EYA1: variants seen among roughly 807,000 people sequenced by gnomAD.
The protein encoded by EYA1 is protein phosphatase EYA1.
Under a neutral mutation model 82.0 loss-of-function variants are expected in EYA1, and 16 were observed. The ratio of observed to expected loss-of-function variants is 0.20; its 90% CI spans 0.13 to 0.30. The LOEUF (loss-of-function observed/expected upper bound fraction) is 0.30, where lower values mean the gene tolerates loss of function less well. Among genes scored for constraint, EYA1 ranks in the 10% least tolerant of loss-of-function variants. EYA1 has a pLI of 1.00. For missense variants in EYA1, 633 were observed against 730.7 expected, an observed-to-expected ratio of 0.87 and a Z score of 1.54; for synonymous variants, 261 against 264.4, an observed-to-expected ratio of 0.99 and a Z score of 0.12.
intron 9 of EYA1, among the ~76,000 whole-genome samples, chr8:71,272,267 T>C (rs1816637646): frequency 6.6e-6 from 1 of 152,074 alleles, no homozygotes; most frequent in Non-Finnish European, 1.5e-5. Context: ...CACATTTGCC[T>C]CAGCTGTGGC....
intron 2 of EYA1, among the ~76,000 whole-genome samples, chr8:71,462,655 C>A (rs1050492253): frequency 1.3e-5 from 2 of 152,204 alleles, no homozygotes; most frequent in African/African-American, 4.8e-5. Context: ...AGTACCACCC[C>A]AGGCCCAGCT....
rs552835193 is a variant in EYA1 at position 71,407,509 on chromosome 8, A to G, written c.34-50998T>C. ...GAAGAATGTATAACTAGAATAACCA[A>G]TACAGAGAAGTGCTTAAAGGAGCTG... On this transcript the variant is annotated intron_variant, in intron 2 of 18. Coordinates refer to the EYA1 transcript ENST00000643681. Among the ~76,000 whole-genome samples, 907 of 147,968 alleles carry G rather than the reference A, an allele frequency of 6.1e-3. 10 individuals are homozygous for G. Among genetic ancestry groups the G allele is most frequent in the African/African-American group, 0.022 (876 of 39,546 alleles).
intron 4 of EYA1, among the ~76,000 whole-genome samples, chr8:71,330,205 G>A (rs1326592978): frequency 6.6e-6 from 1 of 152,166 alleles, no homozygotes; most frequent in African/African-American, 2.4e-5. Flanking sequence ...CTGAACTGAA[G>A]AATCGGATAG....
chr8:71,398,487 CCTTT>C (rs1829763714), intron 2 of EYA1, among the ~76,000 whole-genome samples: 1 of 152,168 alleles, frequency 6.6e-6, no homozygotes, highest in African/African-American at 2.4e-5. Flanking sequence ...GTGTGGATGT[CCTTT>C]CTGTTTTAGT....
intron 2 of EYA1, among the ~76,000 whole-genome samples, chr8:71,450,791 C>T (rs867729100): frequency 2.0e-5 from 3 of 152,118 alleles, no homozygotes; most frequent in African/African-American, 4.8e-5. Context: ...CCAAAGATTA[C>T]CTTAACAGGA....
At chr8:71,362,280 T>C, upstream of EYA1, 1 of 837,422 alleles carries the variant, frequency 1.2e-6, no homozygotes, top group Non-Finnish European at 1.4e-6. Flanking sequence ...TCAACCTTGC[T>C]GTTTAAAAAA....
At chr8:71,478,034 G>A (rs1809810173) in intron 2 of EYA1, among the ~76,000 whole-genome samples, 1 of 152,068 alleles carries the variant, frequency 6.6e-6, no homozygotes, top group Admixed American at 6.6e-5. Flanking sequence ...GGACAAGAGA[G>A]GAATTAGGTA....
chr8:71,547,282 TAAGATGGCA>T (rs1217955841), intron 1 of EYA1, among the ~76,000 whole-genome samples: 1 of 152,176 alleles, frequency 6.6e-6, no homozygotes, highest in East Asian at 1.9e-4. Context: ...CGCACATGTC[TAAGATGGCA>T]ATCACAACAT....
chr8:71,504,838 G>T (rs746739792), intron 2 of EYA1, among the ~76,000 whole-genome samples: 1 of 152,060 alleles, frequency 6.6e-6, no homozygotes, highest in African/African-American at 2.4e-5. Flanking sequence ...GTCTCCCTCT[G>T]CCCCCTAGGC....
chr8:71,313,198 C>T lies in EYA1; in HGVS notation c.556+4354G>A, dbSNP rs992921223. ...TTTTTTCTTCATGTTGTTTCTCCCCCGCTTTTTCGGTATCATGTACAAAAA... is the reference window on the plus strand; with the variant it reads ...TTTTTTCTTCATGTTGTTTCTCCCCTGCTTTTTCGGTATCATGTACAAAAA... On this transcript the variant is annotated intron_variant, in intron 7 of 17. Transcript: ENST00000340726. Among the ~76,000 whole-genome samples the T allele has an allele frequency of 4.1e-4, 63 of 152,228 alleles. 1 individual carries two copies. The highest frequency in any genetic ancestry group is 1.9e-4 in the Non-Finnish European group (13 of 68,022).
At chr8:71,227,785 T>C (rs1257532252) in intron 12 of EYA1, among the ~76,000 whole-genome samples, 1 of 152,222 alleles carries the variant, frequency 6.6e-6, no homozygotes, top group Non-Finnish European at 1.5e-5. Context: ...ACAAACTATA[T>C]GTCAATGCAT....
chr8:71,331,245 TACACAC>T (rs147776263), intron 4 of EYA1, among the ~76,000 whole-genome samples: 2,495 of 136,516 alleles, frequency 0.018, 83 homozygotes, highest in African/African-American at 0.061. Flanking sequence ...AATAAATAAA[TACACAC>T]ACACACACAC....
chr8:71,451,656 C>T (rs552951092), intron 2 of EYA1, among the ~76,000 whole-genome samples: 22 of 152,210 alleles, frequency 1.4e-4, no homozygotes, highest in Middle Eastern at 6.8e-3. Flanking sequence ...TTATGTGGTT[C>T]CTCTTCTGAA....
rs186162666 is a variant in EYA1 at position 71,250,676 on chromosome 8, A to C, written c.1051-5984T>G. The stretch of plus-strand genomic sequence containing the variant: ...TTCGTGTAGAATGTTTTGTTCAATT[A>C]GATTTTTCTCTCTCTTTACAGCCTT... On this transcript the variant is annotated intron_variant, in intron 11 of 17. Transcript: ENST00000340726. Among the ~76,000 whole-genome samples the C allele has an allele frequency of 2.0e-5, 3 of 152,312 alleles. No individual in the cohort carries two copies. The East Asian group carries it at 5.8e-4, about 29-fold the overall frequency.
At chr8:71,432,116 T>C (rs775338953) in intron 2 of EYA1, among the ~76,000 whole-genome samples, 6 of 152,218 alleles carry the variant, frequency 3.9e-5, no homozygotes, top group Non-Finnish European at 7.3e-5. Context: ...ACTTGTTTTG[T>C]GAACTATACA....
chr8:71,215,593 A>G (rs781223940), intron 15 of EYA1, 21 bp downstream of exon 15: 6 of 1,610,154 alleles, frequency 3.7e-6, no homozygotes, highest in South Asian at 3.3e-5. Context: ...TTCCTGGCAA[A>G]GACCCCGCAG....
chr8:71,517,136 C>A (rs1440621051), intron 2 of EYA1, among the ~76,000 whole-genome samples: 2 of 151,922 alleles, frequency 1.3e-5, no homozygotes, highest in Non-Finnish European at 2.9e-5. Flanking sequence ...ACCTTTAACA[C>A]CCCTTCTTAA....
chr8:71,287,996 A>G (rs4737313), intron 9 of EYA1, among the ~76,000 whole-genome samples: 88,959 of 151,966 alleles, frequency 0.59, 26,790 homozygotes, highest in East Asian at 0.83. Flanking sequence ...CAAGTGAGTG[A>G]CAGAGCCAGA....
At chr8:71,329,589 C>T (rs926365627) in intron 4 of EYA1, among the ~76,000 whole-genome samples, 8 of 152,162 alleles carry the variant, frequency 5.3e-5, no homozygotes, top group African/African-American at 1.9e-4. Context: ...AGCTCACATG[C>T]CTATCACTAC....
Sources: allele counts gnomAD v4.1 joint callset (sites outside exome capture counted in the v4.1 genomes callset), GRCh38; gene constraint gnomAD v4.1.1; transcripts MANE v1.5; gene names NCBI Gene and HGNC (gene_info 2026-07-23, HGNC 2026-07-21).